Variants in TEAD1 observed in about 807,000 individuals in gnomAD.
TEAD1 encodes the protein transcriptional enhancer factor TEF-1.
TEAD1 carries 9 observed loss-of-function variants against 54.9 expected under a neutral mutation model. That is an observed-to-expected ratio of 0.16 (90% confidence interval 0.10 to 0.29). TEAD1 has a LOEUF of 0.29. TEAD1 is among the 10% of genes least tolerant of loss of function. The probability of loss-of-function intolerance (pLI) is 1.00; values close to 1 mark genes in which losing one functional copy is unlikely to be tolerated. For synonymous variants in TEAD1, 200 were observed against 187.8 expected (o/e 1.07, Z -0.53); for missense variants, 387 against 535.9 (o/e 0.72, Z 2.74).
At chr11:12,885,234 C>CTTTTTTT (rs10549378) in intron 9 of TEAD1, among the ~76,000 whole-genome samples, 1 of 105,058 alleles carries the variant, frequency 9.5e-6, no homozygotes, top group Non-Finnish European at 2.1e-5. Flanking sequence ...CTTGAATTGT[C>CTTTTTTT]TTTTTTTTTT....
chr11:12,923,491 C>T (rs915343575), intron 10 of TEAD1, among the ~76,000 whole-genome samples: 2 of 152,170 alleles, frequency 1.3e-5, no homozygotes, highest in African/African-American at 4.8e-5. Flanking sequence ...CGAGAGCAGG[C>T]CCTGGCTCAG....
intron 3 of TEAD1, among the ~76,000 whole-genome samples, chr11:12,796,164 A>T (rs1273073601): frequency 6.6e-6 from 1 of 151,970 alleles, no homozygotes; most frequent in Non-Finnish European, 1.5e-5. Flanking sequence ...ACCACAGTGC[A>T]TTTTTTTTCT....
chr11:12,819,210 T>C (rs1946477331), intron 3 of TEAD1, among the ~76,000 whole-genome samples: 1 of 152,072 alleles, frequency 6.6e-6, no homozygotes, highest in Non-Finnish European at 1.5e-5. Context: ...TTTAAGCATC[T>C]TCCTCTTGTA....
At chr11:12,822,444 G>A (rs1259142231) in intron 3 of TEAD1, 2 of 152,220 alleles carry the variant, frequency 1.3e-5, no homozygotes, top group Non-Finnish European at 2.9e-5. Context: ...ATAGTGTGTG[G>A]TGTCCACCCT....
At chr11:12,858,656 G>A (rs972929810) in intron 3 of TEAD1, among the ~76,000 whole-genome samples, 1 of 152,156 alleles carries the variant, frequency 6.6e-6, no homozygotes, top group African/African-American at 2.4e-5. Context: ...AAGAACATGG[G>A]TTTTTGAAAA....
At chr11:12,724,432 G>C (rs1944274178) in intron 2 of TEAD1, among the ~76,000 whole-genome samples, 1 of 152,232 alleles carries the variant, frequency 6.6e-6, no homozygotes, top group African/African-American at 2.4e-5. Context: ...TGTACTGTCT[G>C]TGGAGGCGTA....
chr11:12,719,468 C>A (rs1944133675), intron 2 of TEAD1, among the ~76,000 whole-genome samples: 1 of 151,838 alleles, frequency 6.6e-6, no homozygotes, highest in South Asian at 2.1e-4. Context: ...CAGTCCCTAA[C>A]CACACATTGC....
intron 2 of TEAD1, among the ~76,000 whole-genome samples, chr11:12,732,643 A>G (rs1427338388): frequency 1.3e-5 from 2 of 152,196 alleles, no homozygotes; most frequent in African/African-American, 4.8e-5. Flanking sequence ...AATTCTTCAG[A>G]TGCATTTCGA....
At chr11:12,902,153 G>A (rs775268967) in intron 10 of TEAD1, 40 bp downstream of exon 10, 1 of 1,613,056 alleles carries the variant, frequency 6.2e-7, no homozygotes, top group African/African-American at 1.3e-5. Context: ...GTTTTTGTCT[G>A]AATGGTCACA....
chr11:12,761,212 A>C (rs1945096553), intron 2 of TEAD1, among the ~76,000 whole-genome samples: 1 of 152,234 alleles, frequency 6.6e-6, no homozygotes, highest in Non-Finnish European at 1.5e-5. Flanking sequence ...ATACCTATAG[A>C]AATAATAAGA....
At chr11:12,704,716 C>G (rs560134210) in intron 2 of TEAD1, among the ~76,000 whole-genome samples, 2 of 152,188 alleles carry the variant, frequency 1.3e-5, no homozygotes, top group African/African-American at 4.8e-5. Flanking sequence ...ATCTTTGTAT[C>G]CTGCTTGGCA....
intron 2 of TEAD1, among the ~76,000 whole-genome samples, chr11:12,737,429 A>C (rs1177227558): frequency 6.6e-6 from 1 of 152,138 alleles, no homozygotes; most frequent in Non-Finnish European, 1.5e-5. Flanking sequence ...TTGTGCAAGG[A>C]CTTTGCTTAC....
At chr11:12,694,475 T>G (rs1018321045) in intron 2 of TEAD1, among the ~76,000 whole-genome samples, 2 of 151,972 alleles carry the variant, frequency 1.3e-5, no homozygotes, top group African/African-American at 4.8e-5. Context: ...TATAACTGTT[T>G]TATTAAATAT....
At chr11:12,881,698 TG>T (rs375376926) in intron 7 of TEAD1, among the ~76,000 whole-genome samples, 197 bp from the exon 8 acceptor site, 47 of 152,254 alleles carry the variant, frequency 3.1e-4, no homozygotes, top group African/African-American at 1.1e-3. Flanking sequence ...GAATGAGGCT[TG>T]GTGGTTTGAT....
At chr11:12,710,393 A>T (rs1191921891) in intron 2 of TEAD1, among the ~76,000 whole-genome samples, 1 of 152,154 alleles carries the variant, frequency 6.6e-6, no homozygotes, top group Non-Finnish European at 1.5e-5. Flanking sequence ...ATCATTGGGC[A>T]TCTACTGTGT....
chr11:12,883,993 CAA>C (rs11316523), intron 9 of TEAD1, among the ~76,000 whole-genome samples: 164 of 128,350 alleles, frequency 1.3e-3, no homozygotes, highest in Admixed American at 1.9e-3. Flanking sequence ...GACTCCGTCT[CAA>C]AAAAAAAAAA....
chr11:12,707,690 T>C (rs1943849380), intron 2 of TEAD1, among the ~76,000 whole-genome samples: 1 of 152,210 alleles, frequency 6.6e-6, no homozygotes. Flanking sequence ...TTAAAAGGTA[T>C]ATTGAACTGG....
intron 5 of TEAD1, among the ~76,000 whole-genome samples, chr11:12,873,417 C>A (rs1947794983): frequency 6.6e-6 from 1 of 152,086 alleles, no homozygotes; most frequent in African/African-American, 2.4e-5. Flanking sequence ...ATGTGAAGCC[C>A]CACATCAGAG....
intron 3 of TEAD1, among the ~76,000 whole-genome samples, chr11:12,783,381 C>T (rs1425123386): frequency 2.0e-5 from 3 of 151,922 alleles, no homozygotes; most frequent in Admixed American, 6.6e-5. Context: ...TTGCAGTTGG[C>T]GCTGTGGATG....
Sources: allele counts gnomAD v4.1 joint callset (sites outside exome capture counted in the v4.1 genomes callset), GRCh38; gene constraint gnomAD v4.1.1; transcripts MANE v1.5; gene names NCBI Gene and HGNC (gene_info 2026-07-23, HGNC 2026-07-21).